Variants in UBE3B observed in about 807,000 individuals in gnomAD.
UBE3B encodes ubiquitin-protein ligase E3B.
In UBE3B, 80 loss-of-function variants were observed where a neutral mutation model predicts 132.3. The observed-to-expected ratio is 0.60, with a 90% CI of 0.50 to 0.73. UBE3B has a LOEUF of 0.73. UBE3B is among the 30% of genes least tolerant of loss of function. The probability of loss-of-function intolerance (pLI) is 0.00; values close to 1 mark genes in which losing one functional copy is unlikely to be tolerated. For missense variants in UBE3B, 1,196 were observed against 1,362.5 expected, an observed-to-expected ratio of 0.88 and a Z score of 1.92; for synonymous variants, 487 against 520.4, an observed-to-expected ratio of 0.94 and a Z score of 0.87.
the UBE3B span, among the ~76,000 whole-genome samples, chr12:109,542,856 C>A: frequency 3.9e-5 from 6 of 152,128 alleles, no homozygotes; most frequent in African/African-American, 7.2e-5. Context: ...TGCTTAAGTC[C>A]CCGAGTTTAT....
At position 109,507,736 on chromosome 12, in the gene UBE3B, G is replaced by C; in HGVS notation, c.1622+1G>C. The C allele has an allele frequency of 6.2e-7, 1 of 1,610,896 alleles. No homozygotes were observed. The highest frequency in any genetic ancestry group is 8.5e-7 in the Non-Finnish European group (1 of 1,178,322). ...GTGACTGTTCGCGGCACCTCATCAC[G>C]TAGGTTGACTGCTGTGGGACTGAAT... On this transcript the variant is annotated splice_donor_variant, in intron 15 of 27. Transcript: ENST00000342494. LOFTEE classifies it high-confidence loss of function.
intron 9 of UBE3B, among the ~76,000 whole-genome samples, chr12:109,496,158 T>C (rs1878178557): frequency 6.6e-6 from 1 of 152,244 alleles, no homozygotes; most frequent in Non-Finnish European, 1.5e-5. Context: ...ATAAATGGAA[T>C]CACATCATAT....
rs1359030589 is a variant in UBE3B, at chr12:109,534,303, AATTGGTTAACCAG to A, written c.3016-287_3016-275del. 3.6e-6 allele frequency: 5 copies of A among 1,383,952 alleles called. No individual in the cohort carries two copies. The African/African-American group carries it at 7.3e-5, about 20-fold the overall frequency. The allele number at this position is 1,383,952 out of a possible 1,614,324, so 85.7% of individuals were successfully genotyped here. A position where few individuals can be genotyped will look rare whatever the true frequency, so the allele number is the denominator to read the frequency against. On this transcript the variant is annotated intron_variant, in intron 27 of 27. Transcript: ENST00000342494. This position sits in a 1 kb window ranked among gnomAD's most constrained non-coding sequence, Gnocchi z 5.2. ...TTTTTACAGCATTCTACTTTTTGTC[AATTGGTTAACCAG>A]TAATTCGCTGTGAACCGGAAGGCCC...
chr12:109,509,445 A>G, intron 15 of UBE3B, 151 bp from the exon 16 acceptor site: 1 of 552,804 alleles, frequency 1.8e-6, no homozygotes, highest in South Asian at 2.4e-5. Flanking sequence ...TGATGATATC[A>G]TATCATTTTA....
At chr12:109,533,443 A>C (rs982448058) in intron 26 of UBE3B, 23 bp from the exon 27 acceptor site, 3 of 1,610,514 alleles carry the variant, frequency 1.9e-6, no homozygotes, top group African/African-American at 2.7e-5. Flanking sequence ...CCCCGTCCCC[A>C]CTGACCCTGC....
At chr12:109,497,324 T>G (rs1489367301) in intron 9 of UBE3B, among the ~76,000 whole-genome samples, 1 of 151,888 alleles carries the variant, frequency 6.6e-6, no homozygotes, top group African/African-American at 2.4e-5. Flanking sequence ...ATACTATAGA[T>G]ACACTACATG....
Position 109,503,202 on chromosome 12 carries a change from C to T in UBE3B, c.1450+12C>T. The T allele has an allele frequency of 6.2e-7, 1 of 1,609,974 alleles. No homozygotes were observed. Among genetic ancestry groups the T allele is most frequent in the Non-Finnish European group, 8.5e-7 (1 of 1,176,790 alleles). On this transcript the variant is annotated intron_variant, in intron 14 of 27. Coordinates refer to ENST00000342494, the MANE Select transcript of UBE3B (RefSeq NM_130466.4). Reference sequence around the variant, plus strand: ...GCAGATACTCACAGGTTCGCAGTCCCCAGGGCATCTTCTTCACCTCTCACA... The same window carrying T: ...GCAGATACTCACAGGTTCGCAGTCCTCAGGGCATCTTCTTCACCTCTCACA...
chr12:109,492,409 A>G (rs1020890442), intron 9 of UBE3B: 4 of 145,766 alleles, frequency 2.7e-5, no homozygotes, highest in Non-Finnish European at 6.3e-5. Context: ...GACCTAGAGC[A>G]GGTCTGTCCG....
chr12:109,538,990 C>T (rs561189167), downstream of UBE3B, among the ~76,000 whole-genome samples: 206 of 152,336 alleles, frequency 1.4e-3, no homozygotes, highest in African/African-American at 4.8e-3. This position sits in a 1 kb window ranked among gnomAD's most constrained non-coding sequence, Gnocchi z 4.1. Context: ...AATCTGAACA[C>T]TTTGGGAGGC....
intron 18 of UBE3B, among the ~76,000 whole-genome samples, chr12:109,514,024 C>T (rs1048067172): frequency 1.3e-5 from 2 of 152,222 alleles, no homozygotes; most frequent in Non-Finnish European, 2.9e-5. Context: ...TGTTGAACCT[C>T]TCCCTTGTTC....
intron 18 of UBE3B, among the ~76,000 whole-genome samples, chr12:109,516,120 A>G (rs1881003071): frequency 6.8e-6 from 1 of 148,012 alleles, no homozygotes. Context: ...AAGTTTTTAT[A>G]GTGGATTATT....
Position 109,530,534 on chromosome 12 carries a change from G to T in UBE3B, c.2811-13G>T, listed in dbSNP as rs1882837014. 2 of 1,612,802 alleles carry T rather than the reference G, an allele frequency of 1.2e-6. No homozygotes were observed. The highest frequency in any genetic ancestry group is 4.5e-5 in the East Asian group (2 of 44,880). On this transcript the variant is annotated splice_polypyrimidine_tract_variant and intron_variant, in intron 25 of 27. Coordinates refer to ENST00000342494, the MANE Select transcript of UBE3B (RefSeq NM_130466.4). Reference sequence around the variant, plus strand: ...CTAGCACATTGCTGAGCCCAGGTCTGTATTGCTTTCAGGAAGCACACAGTC... The same window carrying T: ...CTAGCACATTGCTGAGCCCAGGTCTTTATTGCTTTCAGGAAGCACACAGTC...
At chr12:109,547,277 T>G in the UBE3B span, among the ~76,000 whole-genome samples, 3 of 152,200 alleles carry the variant, frequency 2.0e-5, no homozygotes, top group African/African-American at 7.2e-5. The surrounding 1 kb of genome is among the most constrained non-coding windows in gnomAD (Gnocchi z 4.1). Flanking sequence ...TCAGCCACTT[T>G]CTCATCACGA....
chr12:109,534,116 C>G lies in UBE3B; in HGVS notation c.3016-475C>G. On this transcript the variant is annotated intron_variant, in intron 27 of 27. Transcript: ENST00000342494. This position sits in a 1 kb window ranked among gnomAD's most constrained non-coding sequence, Gnocchi z 5.2. Reference sequence around the variant, plus strand: ...TGGCCGCCTCTGGGTGTAGCTGCCTCTCATGATGCAGTTTGAGCCCGTGAT... The same window carrying G: ...TGGCCGCCTCTGGGTGTAGCTGCCTGTCATGATGCAGTTTGAGCCCGTGAT... 1.5e-6 allele frequency: 2 copies of G among 1,295,472 alleles called. No individual in the cohort carries two copies. Among genetic ancestry groups the G allele is most frequent in the South Asian group, 1.2e-5 (1 of 80,970 alleles). 80.2% of individuals were successfully genotyped at this position (1,295,472 alleles called of 1,614,324 possible).
intron 5 of UBE3B, 66 bp from the exon 6 acceptor site, chr12:109,486,405 C>T: frequency 7.5e-7 from 1 of 1,324,816 alleles, no homozygotes; most frequent in Non-Finnish European, 1.1e-6. Flanking sequence ...CCAGTTCCAA[C>T]AGTTAGAGCA....
chr12:109,496,422 A>G (rs892843426), intron 9 of UBE3B, among the ~76,000 whole-genome samples: 2 of 152,220 alleles, frequency 1.3e-5, no homozygotes, highest in African/African-American at 4.8e-5. Context: ...TCCCTGGGTC[A>G]TGTGGTAACT....
At chr12:109,543,252 A>G in the UBE3B span, among the ~76,000 whole-genome samples, 2 of 152,252 alleles carry the variant, frequency 1.3e-5, no homozygotes, top group African/African-American at 4.8e-5. Flanking sequence ...CAGTCTCCAC[A>G]GTGTAGAGTG....
intron 18 of UBE3B, among the ~76,000 whole-genome samples, chr12:109,515,185 T>G (rs1345058299): frequency 6.6e-6 from 1 of 151,974 alleles, no homozygotes; most frequent in Non-Finnish European, 1.5e-5. Flanking sequence ...AGTGCTGGGA[T>G]TACAGGCGTG....
Position 109,521,590 on chromosome 12 carries a change from G to A in UBE3B, c.2364+39G>A. ...GAAACAGAGAAATGTAAAATAAAATGTTAACGGTACCATGGGCTTCTTCAC... is the reference window on the plus strand; with the variant it reads ...GAAACAGAGAAATGTAAAATAAAATATTAACGGTACCATGGGCTTCTTCAC... On this transcript the variant is annotated intron_variant, in intron 21 of 27. Coordinates refer to ENST00000342494, the MANE Select transcript of UBE3B (RefSeq NM_130466.4). This position sits in a 1 kb window ranked among gnomAD's most constrained non-coding sequence, Gnocchi z 4.2. 1.3e-6 allele frequency: 2 copies of A among 1,501,222 alleles called. No individual in the cohort carries two copies. Among genetic ancestry groups the A allele is most frequent in the Non-Finnish European group, 1.8e-6 (2 of 1,113,142 alleles). The allele number at this position is 1,501,222 out of a possible 1,614,324, so 93.0% of individuals were successfully genotyped here.
Sources: allele counts gnomAD v4.1 joint callset (sites outside exome capture counted in the v4.1 genomes callset), GRCh38; gene constraint gnomAD v4.1.1; non-coding constraint Gnocchi (gnomAD v3.1); transcripts MANE v1.5; gene names NCBI Gene and HGNC (gene_info 2026-07-23, HGNC 2026-07-21).